FKTN: variants seen among roughly 807,000 people sequenced by gnomAD.
FKTN encodes ribitol-5-phosphate transferase FKTN.
In FKTN, 47 loss-of-function variants were observed where a neutral mutation model predicts 58.6. The observed-to-expected ratio is 0.80, with a 90% CI of 0.63 to 1.02. FKTN has a LOEUF of 1.02. FKTN is among the 50% of genes least tolerant of loss of function. The probability of loss-of-function intolerance (pLI) is 0.00; values close to 1 mark genes in which losing one functional copy is unlikely to be tolerated. For missense variants in FKTN, 516 were observed against 537.3 expected (o/e 0.96, Z 0.39); for synonymous variants, 178 against 191.9 (o/e 0.93, Z 0.60).
At chr9:105,591,050 G>C (rs1003900468) in intron 3 of FKTN, among the ~76,000 whole-genome samples, 1 of 152,056 alleles carries the variant, frequency 6.6e-6, no homozygotes, top group Admixed American at 6.6e-5. Context: ...CAAGAGGATG[G>C]TGCTAAACCA....
At chr9:105,582,900 A>T (rs1373875917) in intron 3 of FKTN, among the ~76,000 whole-genome samples, 1 of 152,226 alleles carries the variant, frequency 6.6e-6, no homozygotes, top group Non-Finnish European at 1.5e-5. Flanking sequence ...ATAGTAGCTT[A>T]AACAAATAGA....
At chr9:105,608,079 CT>C in intron 7 of FKTN, 128 bp downstream of exon 7, 1 of 747,970 alleles carries the variant, frequency 1.3e-6, no homozygotes, top group Non-Finnish European at 2.2e-6. Flanking sequence ...TGATATGTCT[CT>C]TTTCTTCTAG....
intron 3 of FKTN, among the ~76,000 whole-genome samples, chr9:105,592,905 C>G (rs1045504709): frequency 6.6e-6 from 1 of 152,220 alleles, no homozygotes; most frequent in African/African-American, 2.4e-5. Flanking sequence ...TTTCCCTCAT[C>G]TTCCTGTCTT....
At position 105,636,812 on chromosome 9, in the gene FKTN, CT is replaced by C; in HGVS notation, c.*1553del. On this transcript the variant is annotated 3_prime_UTR_variant, in exon 11 of 11. Transcript: ENST00000357998. ...ATGTCTGAGGGAATGGGCTGGTAGACTTTTTCGAAAACAAATTAGAGAAAGT... is the reference window on the plus strand; with the variant it reads ...ATGTCTGAGGGAATGGGCTGGTAGACTTTTCGAAAACAAATTAGAGAAAGT... 1.6e-6 allele frequency: 2 copies of C among 1,220,546 alleles called. No homozygotes were observed. The highest frequency in any genetic ancestry group is 1.1e-6 in the Non-Finnish European group (1 of 937,222). The allele number at this position is 1,220,546 out of a possible 1,614,324, so 75.6% of individuals were successfully genotyped here. A position where few individuals can be genotyped will look rare whatever the true frequency, so the allele number is the denominator to read the frequency against.
chr9:105,568,262 C>A (rs1360146221), intron 1 of FKTN, among the ~76,000 whole-genome samples: 2 of 152,148 alleles, frequency 1.3e-5, no homozygotes, highest in Non-Finnish European at 2.9e-5. Flanking sequence ...ACACCAAAAG[C>A]AATGGCAACA....
intron 7 of FKTN, among the ~76,000 whole-genome samples, chr9:105,611,436 CA>C (rs1185985893): frequency 6.6e-6 from 1 of 152,052 alleles, no homozygotes; most frequent in Non-Finnish European, 1.5e-5. Context: ...GTTTGTTGTA[CA>C]GATTATTTCA....
intron 3 of FKTN, among the ~76,000 whole-genome samples, chr9:105,581,556 A>G (rs1171096546): frequency 2.0e-5 from 3 of 151,778 alleles, no homozygotes; most frequent in Admixed American, 1.3e-4. Context: ...TGGGAGAACC[A>G]CTGCTCTCTT....
At chr9:105,622,515 T>G (rs550474718) in intron 10 of FKTN, among the ~76,000 whole-genome samples, 216 of 152,040 alleles carry the variant, frequency 1.4e-3, no homozygotes, top group African/African-American at 4.8e-3. Context: ...TTCATATATA[T>G]ATTTATATAT....
intron 7 of FKTN, among the ~76,000 whole-genome samples, chr9:105,613,000 G>A (rs1220275307): frequency 2.0e-5 from 3 of 152,064 alleles, no homozygotes; most frequent in Non-Finnish European, 4.4e-5. Context: ...TTCTGAGAGT[G>A]TCATGTTAAG....
At chr9:105,615,179 C>A in intron 7 of FKTN, 99 bp from the exon 8 acceptor site, 1 of 1,332,904 alleles carries the variant, frequency 7.5e-7, no homozygotes, top group Non-Finnish European at 1.1e-6. Context: ...CCACTGTGCC[C>A]AGCCTGGGGT....
chr9:105,616,971 C>CA (rs1830941998), intron 8 of FKTN, among the ~76,000 whole-genome samples: 1 of 151,074 alleles, frequency 6.6e-6, no homozygotes, highest in African/African-American at 2.4e-5. Context: ...TAATGTGTGT[C>CA]ATCAAAGACA....
intron 4 of FKTN, 121 bp downstream of exon 4, chr9:105,596,778 T>G: frequency 1.3e-6 from 1 of 797,124 alleles, no homozygotes; most frequent in African/African-American, 1.7e-5. Flanking sequence ...GGGTGGCCGG[T>G]TGGTAGTGGC....
intron 3 of FKTN, 72 bp downstream of exon 3, chr9:105,575,209 T>C: frequency 1.1e-6 from 1 of 895,096 alleles, no homozygotes; most frequent in Non-Finnish European, 1.9e-6. Context: ...CACTTCTCTT[T>C]GCAATACATA....
At chr9:105,630,442 C>T (rs1282461282) in intron 10 of FKTN, among the ~76,000 whole-genome samples, 1 of 152,182 alleles carries the variant, frequency 6.6e-6, no homozygotes, top group African/African-American at 2.4e-5. Context: ...TCCTTTCTCC[C>T]TCTTTTCCCT....
At chr9:105,578,511 G>A (rs1251989984) in intron 3 of FKTN, among the ~76,000 whole-genome samples, 1 of 142,702 alleles carries the variant, frequency 7.0e-6, no homozygotes, top group Non-Finnish European at 1.5e-5. Flanking sequence ...TGCATCCCAG[G>A]GATGAAGCCC....
chr9:105,629,867 A>G (rs1474266366), intron 10 of FKTN, among the ~76,000 whole-genome samples: 1 of 152,202 alleles, frequency 6.6e-6, no homozygotes, highest in Non-Finnish European at 1.5e-5. Context: ...GCAGCCATAA[A>G]AAAGGACAAG....
At chr9:105,591,901 G>A (rs1438882675) in intron 3 of FKTN, among the ~76,000 whole-genome samples, 5 of 152,212 alleles carry the variant, frequency 3.3e-5, no homozygotes, top group African/African-American at 1.2e-4. Context: ...GTGTGCACCT[G>A]CTTACAGCTT....
chr9:105,637,804 C>T lies in FKTN; in HGVS notation c.*2540C>T. On this transcript the variant is annotated 3_prime_UTR_variant, in exon 11 of 11. Transcript: ENST00000357998. The stretch of plus-strand genomic sequence containing the variant: ...AGGACAACCAGGTAGTCACCCAGTC[C>T]TCTCTAAGCAGGGAGCACTTGTCCT... 1.0e-6 allele frequency: 1 copy of T among 985,296 alleles called. No individual in the cohort carries two copies. The highest frequency in any genetic ancestry group is 1.2e-6 in the Non-Finnish European group (1 of 829,826). The allele number at this position is 985,296 out of a possible 1,614,324, so 61.0% of individuals were successfully genotyped here.
At chr9:105,616,535 TA>T (rs956838025) in intron 8 of FKTN, among the ~76,000 whole-genome samples, 9 of 152,362 alleles carry the variant, frequency 5.9e-5, no homozygotes, top group African/African-American at 2.2e-4. Context: ...CACTGTCCAT[TA>T]AATCAAACTT....
Sources: allele counts gnomAD v4.1 joint callset (sites outside exome capture counted in the v4.1 genomes callset), GRCh38; gene constraint gnomAD v4.1.1; transcripts MANE v1.5; gene names NCBI Gene and HGNC (gene_info 2026-07-23, HGNC 2026-07-21).